Variants in NBEA observed in about 807,000 individuals in gnomAD.
NBEA encodes lysosomal-trafficking regulator 2.
NBEA carries 44 observed loss-of-function variants against 343.4 expected under a neutral mutation model. The observed-to-expected ratio is 0.13, with a 90% CI of 0.10 to 0.16. NBEA has a LOEUF of 0.16. Among genes scored for constraint, NBEA ranks in the 10% least tolerant of loss-of-function variants. The pLI, the probability that NBEA is intolerant of heterozygous loss-of-function variation, is 1.00. For missense variants in NBEA, 2,555 were observed against 3,631.3 expected (o/e 0.70, Z 7.62); for synonymous variants, 1,175 against 1,238.7 (o/e 0.95, Z 1.08).
intron 8 of NBEA, among the ~76,000 whole-genome samples, chr13:35,060,480 T>C (rs1307356261): frequency 6.6e-6 from 1 of 151,762 alleles, no homozygotes; most frequent in Non-Finnish European, 1.5e-5. Context: ...CTTAGTATCC[T>C]AACACACAGT....
chr13:35,519,897 C>G (rs1285450676), intron 41 of NBEA, among the ~76,000 whole-genome samples: 1 of 152,128 alleles, frequency 6.6e-6, no homozygotes, highest in East Asian at 1.9e-4. Context: ...TGTTTGTACC[C>G]ATTAACCAAA....
At chr13:35,654,363 G>A (rs2084701624) in intron 53 of NBEA, among the ~76,000 whole-genome samples, 1 of 152,196 alleles carries the variant, frequency 6.6e-6, no homozygotes, top group Non-Finnish European at 1.5e-5. Context: ...CTGTGGGGCT[G>A]CCCACGTAAC....
chr13:35,046,632 A>C (rs1222174388), intron 4 of NBEA, among the ~76,000 whole-genome samples: 5 of 152,182 alleles, frequency 3.3e-5, no homozygotes, highest in Non-Finnish European at 7.4e-5. Context: ...AACTGCACAC[A>C]GTAAGAGATT....
intron 41 of NBEA, among the ~76,000 whole-genome samples, chr13:35,518,474 C>T (rs1420792281): frequency 6.6e-6 from 1 of 152,134 alleles, no homozygotes; most frequent in Non-Finnish European, 1.5e-5. Flanking sequence ...TGTGGTTTTC[C>T]ACTGTGCCAC....
intron 1 of NBEA, among the ~76,000 whole-genome samples, chr13:34,988,457 G>T (rs73492324): frequency 0.016 from 2,367 of 151,286 alleles, 91 homozygotes; most frequent in African/African-American, 0.054. Context: ...CACCCAGTTC[G>T]AGCTTTTCCG....
intron 43 of NBEA, among the ~76,000 whole-genome samples, chr13:35,552,586 T>G (rs1214969212): frequency 6.6e-6 from 1 of 152,218 alleles, no homozygotes; most frequent in Non-Finnish European, 1.5e-5. Context: ...TACATACTAT[T>G]TGTTTAATCA....
Position 35,045,295 on chromosome 13 carries a change from T to G in NBEA, c.628-11T>G. ...GTACAATGACATTTCTTTCTTTTATTGTTTCCCCAGCCAAGACATGCAGTA... is the reference window on the plus strand; with the variant it reads ...GTACAATGACATTTCTTTCTTTTATGGTTTCCCCAGCCAAGACATGCAGTA... On this transcript the variant is annotated splice_polypyrimidine_tract_variant and intron_variant, in intron 3 of 58. Transcript: ENST00000379939. 2.5e-6 allele frequency: 4 copies of G among 1,593,424 alleles called. No homozygotes were observed. Among genetic ancestry groups the G allele is most frequent in the Non-Finnish European group, 3.4e-6 (4 of 1,166,512 alleles).
intron 35 of NBEA, among the ~76,000 whole-genome samples, chr13:35,307,623 G>C (rs1215457243): frequency 2.0e-5 from 3 of 152,026 alleles, no homozygotes; most frequent in Non-Finnish European, 2.9e-5. Context: ...GGTGACTAAA[G>C]AGTCTTAGTG....
intron 34 of NBEA, among the ~76,000 whole-genome samples, chr13:35,254,909 A>G (rs1177147631): frequency 6.6e-6 from 1 of 152,084 alleles, no homozygotes; most frequent in East Asian, 1.9e-4. Context: ...TATTTTTTTA[A>G]TATAAAATTA....
chr13:35,085,734 G>T, intron 10 of NBEA, among the ~76,000 whole-genome samples: 1 of 152,072 alleles, frequency 6.6e-6, no homozygotes, highest in Non-Finnish European at 1.5e-5. Flanking sequence ...TCTGGCCAGG[G>T]CAATCAGGCA....
At chr13:35,310,328 G>A (rs1185380837) in intron 36 of NBEA, among the ~76,000 whole-genome samples, 1 of 152,058 alleles carries the variant, frequency 6.6e-6, no homozygotes, top group Admixed American at 6.6e-5. Flanking sequence ...AACCGTAATG[G>A]TTACAAACCA....
At chr13:35,380,014 GA>G (rs2041929969) in intron 38 of NBEA, among the ~76,000 whole-genome samples, 1 of 152,144 alleles carries the variant, frequency 6.6e-6, no homozygotes, top group Non-Finnish European at 1.5e-5. Context: ...TAAGTGTTAG[GA>G]TTTTGATTGG....
chr13:35,599,740 GA>G (rs2081967671), intron 47 of NBEA, among the ~76,000 whole-genome samples: 2 of 152,208 alleles, frequency 1.3e-5, no homozygotes, highest in African/African-American at 4.8e-5. Flanking sequence ...GTAAACTGGA[GA>G]TGCCAAAGGG....
At chr13:35,224,343 C>T (rs2074539636) in intron 33 of NBEA, among the ~76,000 whole-genome samples, 1 of 152,156 alleles carries the variant, frequency 6.6e-6, no homozygotes, top group Non-Finnish European at 1.5e-5. Context: ...GGCATACCAG[C>T]ATACTGCACT....
At chr13:35,569,222 G>C (rs1022028478) in intron 45 of NBEA, among the ~76,000 whole-genome samples, 2 of 152,164 alleles carry the variant, frequency 1.3e-5, no homozygotes, top group African/African-American at 2.4e-5. Context: ...TGCCAAGGTT[G>C]AAGTGTAATT....
chr13:35,045,597 T>C (rs720506), intron 4 of NBEA, among the ~76,000 whole-genome samples, 196 bp downstream of exon 4: 16,440 of 152,168 alleles, frequency 0.11, 1,076 homozygotes, highest in African/African-American at 0.17. Context: ...TGTTGGAAGA[T>C]ATTCCCCTCT....
chr13:35,216,165 T>G (rs927628394), intron 33 of NBEA, among the ~76,000 whole-genome samples: 7 of 151,454 alleles, frequency 4.6e-5, no homozygotes, highest in African/African-American at 1.7e-4. Context: ...TTTTAGAGTG[T>G]TTTTTTTCTA....
chr13:35,541,937 C>T (rs906977119), intron 41 of NBEA, among the ~76,000 whole-genome samples: 1 of 152,034 alleles, frequency 6.6e-6, no homozygotes, highest in African/African-American at 2.4e-5. Context: ...CATTATTTCT[C>T]CCCATCTTTA....
chr13:35,663,408 T>C (rs1326511291), intron 55 of NBEA, among the ~76,000 whole-genome samples: 1 of 152,246 alleles, frequency 6.6e-6, no homozygotes, highest in Non-Finnish European at 1.5e-5. Flanking sequence ...TAACCTCATG[T>C]CCTTCAGTTC....
Sources: allele counts gnomAD v4.1 joint callset (sites outside exome capture counted in the v4.1 genomes callset), GRCh38; gene constraint gnomAD v4.1.1; transcripts MANE v1.5; gene names NCBI Gene and HGNC (gene_info 2026-07-23, HGNC 2026-07-21).